Variants in THRB observed in about 807,000 individuals in gnomAD.
THRB encodes the protein nuclear receptor subfamily 1 group A member 2.
In THRB, 12 loss-of-function variants were observed where a neutral mutation model predicts 47.8. That is an observed-to-expected ratio of 0.25 (90% confidence interval 0.16 to 0.41). The LOEUF (loss-of-function observed/expected upper bound fraction) is 0.41. Among genes scored for constraint, THRB ranks in the 10% least tolerant of loss-of-function variants. The pLI, the probability that THRB is intolerant of heterozygous loss-of-function variation, is 1.00. For synonymous variants in THRB, 218 were observed against 212.2 expected (o/e 1.03, Z -0.24); for missense variants, 348 against 589.2 (o/e 0.59, Z 4.24).
At chr3:24,157,823 G>A (rs1443465346) in intron 5 of THRB, among the ~76,000 whole-genome samples, 1 of 152,174 alleles carries the variant, frequency 6.6e-6, no homozygotes, top group Non-Finnish European at 1.5e-5. Context: ...GAGCCACAGT[G>A]CTCAGCCTAT....
intron 3 of THRB, among the ~76,000 whole-genome samples, chr3:24,250,630 G>A (rs1045646323): frequency 2.0e-5 from 3 of 152,146 alleles, no homozygotes; most frequent in Admixed American, 6.5e-5. Flanking sequence ...GAGCCTTGGC[G>A]TTTGAGGCTG....
At chr3:24,127,331 G>A (rs1401508468) in intron 10 of THRB, among the ~76,000 whole-genome samples, 168 bp downstream of exon 10, 2 of 152,040 alleles carry the variant, frequency 1.3e-5, no homozygotes, top group African/African-American at 2.4e-5. Context: ...GACATCTGAC[G>A]CCCCCCCTTT....
intron 1 of THRB, among the ~76,000 whole-genome samples, chr3:24,364,484 A>C (rs1434798776): frequency 2.0e-5 from 3 of 152,198 alleles, no homozygotes; most frequent in Non-Finnish European, 2.9e-5. Flanking sequence ...CAATTCTTAC[A>C]GTAAAACTAT....
At chr3:24,276,660 C>A (rs1023907450) in intron 3 of THRB, among the ~76,000 whole-genome samples, 4 of 152,132 alleles carry the variant, frequency 2.6e-5, no homozygotes, top group African/African-American at 9.7e-5. Context: ...GGGACTAGGT[C>A]CTGAGGATGC....
chr3:24,470,359 G>C (rs1382845453), intron 1 of THRB, among the ~76,000 whole-genome samples: 1 of 152,174 alleles, frequency 6.6e-6, no homozygotes, highest in African/African-American at 2.4e-5. Flanking sequence ...GTAGTATGAT[G>C]GAGTATTTAA....
intron 5 of THRB, among the ~76,000 whole-genome samples, chr3:24,178,448 A>G (rs2041462606): frequency 6.6e-6 from 1 of 152,198 alleles, no homozygotes; most frequent in Non-Finnish European, 1.5e-5. Context: ...CTATTAGCTC[A>G]CCACTGCACT....
At chr3:24,211,667 A>C (rs1309315493) in intron 4 of THRB, among the ~76,000 whole-genome samples, 1 of 152,196 alleles carries the variant, frequency 6.6e-6, no homozygotes, top group African/African-American at 2.4e-5. Flanking sequence ...TTAGAAACTG[A>C]AGATTGTATT....
chr3:24,326,219 C>T (rs541440558), intron 2 of THRB, among the ~76,000 whole-genome samples: 7 of 152,254 alleles, frequency 4.6e-5, no homozygotes, highest in South Asian at 2.1e-4. Context: ...TCCACCACCA[C>T]GGTTAGTTAC....
At chr3:24,149,312 C>T (rs574050764) in intron 6 of THRB, among the ~76,000 whole-genome samples, 8 of 152,172 alleles carry the variant, frequency 5.3e-5, no homozygotes, top group Middle Eastern at 6.8e-3. Flanking sequence ...AGAATGCTGA[C>T]GGCTTACTAG....
At chr3:24,415,153 G>A (rs2068636094) in intron 1 of THRB, among the ~76,000 whole-genome samples, 1 of 151,792 alleles carries the variant, frequency 6.6e-6, no homozygotes, top group African/African-American at 2.4e-5. Flanking sequence ...TTCAGGTTTG[G>A]TAAGCTCAGG....
chr3:24,139,758 C>G (rs554987282), intron 8 of THRB, among the ~76,000 whole-genome samples: 1 of 152,300 alleles, frequency 6.6e-6, no homozygotes, highest in South Asian at 2.1e-4. Flanking sequence ...AAAACTATGT[C>G]AGTAGCTCCT....
At chr3:24,253,380 T>A (rs1001835766) in intron 3 of THRB, among the ~76,000 whole-genome samples, 13 of 152,150 alleles carry the variant, frequency 8.5e-5, no homozygotes, top group African/African-American at 3.1e-4. Flanking sequence ...ACAATGGAGA[T>A]ACAGCATTGA....
chr3:24,188,618 GT>G (rs1440083692), intron 5 of THRB, among the ~76,000 whole-genome samples: 1 of 152,046 alleles, frequency 6.6e-6, no homozygotes, highest in Non-Finnish European at 1.5e-5. Flanking sequence ...GGATGCTAGA[GT>G]TTTCTGTTGG....
intron 4 of THRB, among the ~76,000 whole-genome samples, chr3:24,204,024 G>A (rs113858642): frequency 9.2e-5 from 14 of 152,242 alleles, no homozygotes; most frequent in East Asian, 3.8e-4. Context: ...CGAACTGGGC[G>A]GAGCCCACCA....
rs1238709955 is a variant in THRB, at chr3:24,494,799, T to C, written c.-408A>G. 1.3e-5 allele frequency: 2 copies of C among 152,044 alleles called. No homozygotes were observed. Among genetic ancestry groups the C allele is most frequent in the Middle Eastern group, 3.2e-3 (1 of 316 alleles). 9.4% of individuals were successfully genotyped at this position (152,044 alleles called of 1,614,324 possible). A position where few individuals can be genotyped will look rare whatever the true frequency, so the allele number is the denominator to read the frequency against. On this transcript the variant is annotated 5_prime_UTR_variant, in exon 1 of 11. Coordinates refer to ENST00000646209, the MANE Select transcript of THRB (RefSeq NM_001354712.2). ...CTCTTTTCCAAGCGCACTCACATTATTCATGCAAAGTTAATCCCCGCCGCG... is the reference window on the plus strand; with the variant it reads ...CTCTTTTCCAAGCGCACTCACATTACTCATGCAAAGTTAATCCCCGCCGCG...
chr3:24,457,060 G>C (rs1334056353), intron 1 of THRB, among the ~76,000 whole-genome samples: 3 of 152,184 alleles, frequency 2.0e-5, no homozygotes, highest in Non-Finnish European at 4.4e-5. Context: ...AGAAAAAAGA[G>C]AGGGAGGAAG....
At chr3:24,415,426 C>A (rs1204369586) in intron 1 of THRB, among the ~76,000 whole-genome samples, 1 of 151,854 alleles carries the variant, frequency 6.6e-6, no homozygotes, top group Non-Finnish European at 1.5e-5. Context: ...CATAAGGAAT[C>A]TATCCCCTTT....
At chr3:24,488,301 T>G (rs1697609754) in intron 1 of THRB, among the ~76,000 whole-genome samples, 1 of 152,222 alleles carries the variant, frequency 6.6e-6, no homozygotes, top group Non-Finnish European at 1.5e-5. Flanking sequence ...AATGAGCAAT[T>G]CAGTCCAGAC....
chr3:24,331,282 A>C (rs373538341), intron 2 of THRB, among the ~76,000 whole-genome samples: 38 of 152,342 alleles, frequency 2.5e-4, no homozygotes, highest in African/African-American at 8.7e-4. Context: ...GACAAAAAGA[A>C]AGAAAAAAAG....
Sources: gnomAD v4.1 joint callset for allele counts (sites outside exome capture counted in the v4.1 genomes callset) on GRCh38, gnomAD v4.1.1 for gene constraint, MANE v1.5 for transcripts, NCBI Gene and HGNC (gene_info 2026-07-23, HGNC 2026-07-21) for gene names.